MSL3: variants seen among roughly 807,000 people sequenced by gnomAD.
MSL3 encodes MSL3-like 1.
Under a neutral mutation model 37.2 loss-of-function variants are expected in MSL3, and 5 were observed. That is an observed-to-expected ratio of 0.13 (90% CI 0.07 to 0.28). The LOEUF is 0.28. Among genes scored for constraint, MSL3 ranks in the 10% least tolerant of loss-of-function variants. MSL3 has a pLI of 1.00. For missense variants in MSL3, 315 were observed against 408.5 expected, an observed-to-expected ratio of 0.77 and a Z score of 1.97; for synonymous variants, 149 against 147.6, an observed-to-expected ratio of 1.01 and a Z score of -0.07.
intron 7 of MSL3, 149 bp from the exon 8 acceptor site, chrX:11,763,631 T>C: frequency 4.5e-6 from 2 of 442,359 alleles, no homozygotes. Context: ...TGACAGTAGC[T>C]ACAAATCCAT....
intron 8 of MSL3, 52 bp from the exon 9 acceptor site, chrX:11,765,415 A>G: frequency 5.2e-6 from 6 of 1,147,116 alleles, no homozygotes; most frequent in Non-Finnish European, 7.0e-6. Flanking sequence ...GAAGCACTCC[A>G]TGTTCTGGAA....
chrX:11,758,268 G>A lies in MSL3; in HGVS notation c.5G>A (p.Ser2Asn), dbSNP rs150938844. 1 of 1,062,932 alleles carries A rather than the reference G, an allele frequency of 9.4e-7. No homozygotes were observed. Among genetic ancestry groups the A allele is most frequent in the Non-Finnish European group, 1.2e-6 (1 of 811,074 alleles). 87.6% of individuals were successfully genotyped at this position (1,062,932 alleles called of 1,213,427 possible). A position where few individuals can be genotyped will look rare whatever the true frequency, so the allele number is the denominator to read the frequency against. Residue 2 changes from serine to asparagine, a missense_variant, in exon 1 of 13, where the codon AGC (serine) becomes AAC (asparagine). By Grantham distance (46) the Ser-to-Asn change is conservative. Coordinates refer to ENST00000312196, the MANE Select transcript of MSL3 (RefSeq NM_078629.4). ...GCCCTCCGCCACGATGAGCAAATGA[G>A]CGCGAGCGAGGGCATGAAATTTAAA... M[S>N]ASEGMKFKFH...
In MSL3 at chrX:11,775,707, A is replaced by G. The variant is rs1287149821; in HGVS notation, c.*628A>G. The G allele has an allele frequency of 8.9e-6, 1 of 112,533 alleles. No individual in the cohort carries two copies. Among genetic ancestry groups the G allele is most frequent in the Non-Finnish European group, 1.9e-5 (1 of 53,298 alleles). The allele number at this position is 112,533 out of a possible 1,213,427, so 9.3% of individuals were successfully genotyped here. A position where few individuals can be genotyped will look rare whatever the true frequency, so the allele number is the denominator to read the frequency against. ...TAATGTTATGGTTCCCTTTCTGTAA[A>G]ATGTTATTTTTGGTGATCTAAATAA... On this transcript the variant is annotated 3_prime_UTR_variant, in exon 13 of 13. Coordinates refer to ENST00000312196, the MANE Select transcript of MSL3 (RefSeq NM_078629.4).
chrX:11,761,320 A>G (rs761194950), intron 4 of MSL3, among the ~76,000 whole-genome samples, 180 bp from the exon 5 acceptor site: 1 of 112,855 alleles, frequency 8.9e-6, no homozygotes, highest in Non-Finnish European at 1.9e-5. Context: ...ATCCATTGAA[A>G]TTGGTTGTCA....
intron 9 of MSL3, chrX:11,767,344 T>C: frequency 1.5e-6 from 1 of 646,415 alleles, no homozygotes; most frequent in South Asian, 8.1e-5. Flanking sequence ...AATTCACACA[T>C]TTAAAGTTTT....
At chrX:11,765,383 G>C (rs5933922) in intron 8 of MSL3, 84 bp from the exon 9 acceptor site, 112,941 of 1,089,404 alleles carry the variant, frequency 0.1, 4,452 homozygotes, top group African/African-American at 0.18. Context: ...TCCTGGAGTA[G>C]AGAGAGCATT....
chrX:11,772,062 TC>T, intron 10 of MSL3, 93 bp from the exon 11 acceptor site: 1 of 581,914 alleles, frequency 1.7e-6, no homozygotes, highest in Non-Finnish European at 2.8e-6. Context: ...ACTTATTTTT[TC>T]CCCTCTACGT....
chrX:11,764,963 T>C lies in MSL3; in HGVS notation c.909-504T>C, dbSNP rs190906579. ...AACCTTGAGACTCCTCCGGGGTGGG[T>C]TGTGTGTTTTCACACAGCAACCCCA... On this transcript the variant is annotated intron_variant, in intron 8 of 12. Transcript: ENST00000312196. Among the ~76,000 whole-genome samples the C allele has an allele frequency of 4.8e-3, 536 of 112,066 alleles. 2 individuals are homozygous for C. Among genetic ancestry groups the C allele is most frequent in the African/African-American group, 0.016 (497 of 30,824 alleles).
intron 10 of MSL3, among the ~76,000 whole-genome samples, chrX:11,771,926 CA>C (rs1341450707): frequency 8.9e-6 from 1 of 112,251 alleles, no homozygotes; most frequent in Admixed American, 9.4e-5. Flanking sequence ...AGAACCTAAA[CA>C]GTTACAGTTA....
intron 10 of MSL3, among the ~76,000 whole-genome samples, chrX:11,771,528 A>G (rs1327472599): frequency 8.9e-6 from 1 of 112,734 alleles, no homozygotes; most frequent in Non-Finnish European, 1.9e-5. Context: ...ACATCTATGG[A>G]TTACTTTTTA....
At chrX:11,764,235 G>A in intron 8 of MSL3, 1 of 191,205 alleles carries the variant, frequency 5.2e-6, no homozygotes, top group Non-Finnish European at 9.6e-6. Context: ...AGAGAGCACA[G>A]GCCGGGGAGG....
At chrX:11,758,555 C>A (rs1160783015) in intron 1 of MSL3, 190 bp downstream of exon 1, 5 of 1,101,002 alleles carry the variant, frequency 4.5e-6, no homozygotes, top group Non-Finnish European at 5.9e-6. Flanking sequence ...TGGGATGCTT[C>A]CACTTCCTTC....
chrX:11,768,402 T>A, intron 9 of MSL3, 171 bp from the exon 10 acceptor site: 1 of 415,067 alleles, frequency 2.4e-6, no homozygotes, highest in Non-Finnish European at 4.2e-6. Flanking sequence ...CTTTATTCCT[T>A]ATTTTTTTAA....
At chrX:11,761,132 T>G (rs2147243375) in intron 4 of MSL3, 195 bp downstream of exon 4, 1 of 408,185 alleles carries the variant, frequency 2.4e-6, no homozygotes, top group East Asian at 4.1e-5. Flanking sequence ...GAGTCATGCT[T>G]GTGACTACTG....
intron 9 of MSL3, chrX:11,766,541 C>T: frequency 1.3e-6 from 1 of 754,485 alleles, no homozygotes; most frequent in Middle Eastern, 7.6e-4. Context: ...ACATTGAAGA[C>T]CTCATTCACA....
intron 9 of MSL3, chrX:11,767,460 C>T: frequency 6.7e-6 from 1 of 148,909 alleles, no homozygotes; most frequent in Non-Finnish European, 1.2e-5. Flanking sequence ...AACCCCATCT[C>T]TTAAAGAAAA....
At chrX:11,765,807 T>A in intron 9 of MSL3, 78 bp downstream of exon 9, 1 of 1,172,607 alleles carries the variant, frequency 8.5e-7, no homozygotes, top group Non-Finnish European at 1.1e-6. Flanking sequence ...GGCATGGTGC[T>A]GAGGTTACAT....
intron 9 of MSL3, chrX:11,765,967 T>C (rs1833519785): frequency 9.7e-7 from 1 of 1,027,220 alleles, no homozygotes; most frequent in Non-Finnish European, 1.2e-6. Flanking sequence ...CCTTTCTTTT[T>C]TGCCATCACT....
chrX:11,774,965 A>ATT lies in MSL3; in HGVS notation c.1467-6_1467-5dup, dbSNP rs754284086. Reference sequence around the variant, plus strand: ...CCTTAGTATGGTGCTCATTGGGGCTATTTTTTTTTTCCAGGTTTTTAGCAG... The same window carrying ATT: ...CCTTAGTATGGTGCTCATTGGGGCTATTTTTTTTTTTTCCAGGTTTTTAGCAG... On this transcript the variant is annotated splice_polypyrimidine_tract_variant and intron_variant, in intron 12 of 12. Coordinates refer to ENST00000312196, the MANE Select transcript of MSL3 (RefSeq NM_078629.4). The ATT allele has an allele frequency of 9.5e-7, 1 of 1,054,474 alleles. No individual in the cohort carries two copies. The highest frequency in any genetic ancestry group is 1.3e-6 in the Non-Finnish European group (1 of 774,305). 86.9% of individuals were successfully genotyped at this position (1,054,474 alleles called of 1,213,427 possible).
Sources: gnomAD v4.1 joint callset for allele counts (sites outside exome capture counted in the v4.1 genomes callset) on GRCh38, gnomAD v4.1.1 for gene constraint, MANE v1.5 for transcripts, NCBI Gene and HGNC (gene_info 2026-07-23, HGNC 2026-07-21) for gene names.